ARID1B: variants seen among roughly 807,000 people sequenced by gnomAD.
The protein encoded by ARID1B is AT-rich interactive domain-containing protein 1B.
ARID1B carries 30 observed loss-of-function variants against 212.3 expected under a neutral mutation model. The observed-to-expected ratio is 0.14, with a 90% CI of 0.11 to 0.19. ARID1B has a LOEUF of 0.19. Among genes scored for constraint, ARID1B ranks in the 10% least tolerant of loss-of-function variants. The pLI, the probability that ARID1B is intolerant of heterozygous loss-of-function variation, is 1.00. For missense variants in ARID1B, 2,891 were observed against 3,204.0 expected (o/e 0.90, Z 2.36); for synonymous variants, 1,402 against 1,301.7 (o/e 1.08, Z -1.66).
In ARID1B at chr6:157,207,610, G is replaced by A. The variant is rs1161111557; in HGVS notation, c.6838G>A (p.Gly2280Arg). The change falls in exon 20 of 20, where the codon GGA (glycine) becomes AGA (arginine). Residue 2280 changes from glycine (G) to arginine (R), a missense_variant. This residue lies in a region of ARID1B where 187 missense variants were observed against 306.5 expected (regional missense o/e 0.61). Transcript: ENST00000636930. This position sits in a 1 kb window ranked among gnomAD's most constrained non-coding sequence, Gnocchi z 8.5. Reference sequence around the variant, plus strand: ...CATAGCTGTGCAGAAAGGAAGCATTGGAAACTTGATAAGCTTCCTAGAGGA... The same window carrying A: ...CATAGCTGTGCAGAAAGGAAGCATTAGAAACTTGATAAGCTTCCTAGAGGA... ...RAIAVQKGSI[G>R]NLISFLEDGV... 6.2e-7 allele frequency: 1 copy of A among 1,614,118 alleles called. No homozygotes were observed.
At chr6:156,896,322 A>T (rs1393708550) in intron 2 of ARID1B, among the ~76,000 whole-genome samples, 2 of 152,178 alleles carry the variant, frequency 1.3e-5, no homozygotes, top group Admixed American at 6.5e-5. Flanking sequence ...CATGCCTCTA[A>T]TCCCACCAGT....
At chr6:157,117,161 C>A (rs1441445010) in intron 6 of ARID1B, among the ~76,000 whole-genome samples, 1 of 152,138 alleles carries the variant, frequency 6.6e-6, no homozygotes, top group Non-Finnish European at 1.5e-5. Flanking sequence ...GGGGCATGAT[C>A]AGGCATTTCA....
chr6:156,778,298 G>A lies in ARID1B; in HGVS notation c.618G>A (p.Gln206=), dbSNP rs771649817. Residue 206 remains glutamine, a synonymous_variant, in exon 1 of 20, where the codon CAG becomes CAA. Coordinates refer to ENST00000636930, the MANE Select transcript of ARID1B (RefSeq NM_001374828.1). ...FQQQQQQQQQ[Q]QQQQQQQQHP... ...AGCAGCAGCAGCAGCAGCAACAGCAGCAGCAGCAGCAGCAGCAACAGCAAC... is the reference window on the plus strand; with the variant it reads ...AGCAGCAGCAGCAGCAGCAACAGCAACAGCAGCAGCAGCAGCAACAGCAAC... 28 of 1,537,200 alleles carry A rather than the reference G, an allele frequency of 1.8e-5. No homozygotes were observed. Among genetic ancestry groups the A allele is most frequent in the Non-Finnish European group, 2.3e-5 (26 of 1,144,936 alleles).
intron 5 of ARID1B, among the ~76,000 whole-genome samples, chr6:157,090,627 A>C (rs1785216384): frequency 1.3e-5 from 2 of 152,254 alleles, no homozygotes; most frequent in Admixed American, 6.5e-5. Context: ...GACAGAAACA[A>C]AATAGAGTTG....
At position 157,208,027 on chromosome 6, in the gene ARID1B, A is replaced by C; in HGVS notation, c.*136A>C. The C allele has an allele frequency of 4.4e-6, 4 of 899,804 alleles. No homozygotes were observed. The highest frequency in any genetic ancestry group is 6.1e-6 in the Non-Finnish European group (4 of 653,398). The allele number at this position is 899,804 out of a possible 1,614,324, so 55.7% of individuals were successfully genotyped here. The stretch of plus-strand genomic sequence containing the variant: ...TCCTCTGCCCCATTCACTATTTACC[A>C]ATTGGGAATTAAAGAAATAATTAAT... On this transcript the variant is annotated 3_prime_UTR_variant, in exon 20 of 20. Coordinates refer to ENST00000636930, the MANE Select transcript of ARID1B (RefSeq NM_001374828.1).
At chr6:156,920,848 G>GTTCTT (rs749706678) in intron 3 of ARID1B, among the ~76,000 whole-genome samples, 1 of 150,890 alleles carries the variant, frequency 6.6e-6, no homozygotes, top group African/African-American at 2.4e-5. Context: ...TCTTTTTCTT[G>GTTCTT]TTCTTTTCTT....
chr6:157,114,523 CAAAAAAA>C (rs111845551), intron 6 of ARID1B, among the ~76,000 whole-genome samples: 1,364 of 50,306 alleles, frequency 0.027, 22 homozygotes, highest in African/African-American at 0.086. Flanking sequence ...CACTCCGTCT[CAAAAAAA>C]AAAAAAAAAA....
chr6:157,007,666 A>G (rs937035440), intron 4 of ARID1B, among the ~76,000 whole-genome samples: 9 of 152,110 alleles, frequency 5.9e-5, no homozygotes, highest in African/African-American at 2.2e-4. Flanking sequence ...TTTGTGGAAC[A>G]TCAGTGTTTT....
At chr6:156,897,252 C>CTTATTATTATTATTATTA (rs1351964431) in intron 2 of ARID1B, among the ~76,000 whole-genome samples, 34 of 96,822 alleles carry the variant, frequency 3.5e-4, no homozygotes, top group Non-Finnish European at 4.7e-4. Context: ...TCTTCTTCTT[C>CTTATTATTATTATTATTA]TTCTTCTTCT....
chr6:157,191,696 C>T lies in ARID1B; in HGVS notation c.4231+1486C>T, dbSNP rs142153928. Reference sequence around the variant, plus strand: ...CCACAAGTGGAGACTTGATATTTTGCTCTTGCGCATTCTTCCAAGTGCATT... The same window carrying T: ...CCACAAGTGGAGACTTGATATTTTGTTCTTGCGCATTCTTCCAAGTGCATT... On this transcript the variant is annotated intron_variant, in intron 15 of 19. Transcript: ENST00000636930. Among the ~76,000 whole-genome samples, 567 of 152,276 alleles carry T rather than the reference C, an allele frequency of 3.7e-3. 3 individuals carry two copies. Among genetic ancestry groups the T allele is most frequent in the African/African-American group, 0.013 (527 of 41,562 alleles).
chr6:156,836,766 G>A lies in ARID1B; in HGVS notation c.1986+7345G>A, dbSNP rs143123556. Among the ~76,000 whole-genome samples, 681 of 152,294 alleles carry A rather than the reference G, an allele frequency of 4.5e-3. 2 individuals carry two copies. Among genetic ancestry groups the A allele is most frequent in the Admixed American group, 7.1e-3 (108 of 15,298 alleles). On this transcript the variant is annotated intron_variant, in intron 2 of 19. Coordinates refer to ENST00000636930, the MANE Select transcript of ARID1B (RefSeq NM_001374828.1). ...TGCAGCCTTGACCTCCTGGGCTCAG[G>A]TGATTCTCTCACCTCAGCCTCCTGA...
chr6:157,167,375 GTAAATTATTTT>G (rs1219494388), intron 9 of ARID1B, 190 bp downstream of exon 9: 10 of 550,938 alleles, frequency 1.8e-5, no homozygotes, highest in African/African-American at 1.6e-4. Flanking sequence ...TATATTTTAT[GTAAATTATTTT>G]TATTCAATCT....
Position 156,778,271 on chromosome 6 carries a change from G to A in ARID1B, c.591G>A (p.Gln197=), listed in dbSNP as rs1188546090. The stretch of plus-strand genomic sequence containing the variant: ...TACAGCAGCAGCTAAACCAGTTCCA[G>A]CAGCAGCAGCAGCAGCAGCAACAGC... ...HALQQQLNQF[Q]QQQQQQQQQQ... The change falls in exon 1 of 20, where the codon CAG becomes CAA. Residue 197 remains glutamine (Q), a synonymous_variant. Coordinates refer to ENST00000636930, the MANE Select transcript of ARID1B (RefSeq NM_001374828.1). The A allele has an allele frequency of 3.4e-6, 5 of 1,478,116 alleles. No homozygotes were observed. Among genetic ancestry groups the A allele is most frequent in the South Asian group, 2.5e-5 (2 of 79,610 alleles). The allele number at this position is 1,478,116 out of a possible 1,614,324, so 91.6% of individuals were successfully genotyped here. A position where few individuals can be genotyped will look rare whatever the true frequency, so the allele number is the denominator to read the frequency against.
chr6:156,849,578 G>T (rs1784447443), intron 2 of ARID1B, among the ~76,000 whole-genome samples: 1 of 152,206 alleles, frequency 6.6e-6, no homozygotes, highest in Admixed American at 6.5e-5. Context: ...ACACCTCTTT[G>T]TGTAAATCGT....
chr6:157,205,389 C>A (rs1562350242), intron 19 of ARID1B: 1 of 152,148 alleles, frequency 6.6e-6, no homozygotes, highest in Non-Finnish European at 1.5e-5. Flanking sequence ...GGAGAGAGGG[C>A]AGTTGCTAAT....
rs1024297552 is a variant in ARID1B, at chr6:156,973,989, G to A, written c.2247+38413G>A. ...TACAACATTTTGCTAGGCTAATTTA[G>A]GTGTGATTTCCCAAAGGGCATCTGA... On this transcript the variant is annotated intron_variant, in intron 4 of 19. Transcript: ENST00000636930. Among the ~76,000 whole-genome samples, 3 of 152,148 alleles carry A rather than the reference G, an allele frequency of 2.0e-5. No individual in the cohort carries two copies. The South Asian group carries it at 6.2e-4, about 31-fold the overall frequency.
chr6:157,113,336 T>C (rs1008053243), intron 6 of ARID1B, among the ~76,000 whole-genome samples: 3 of 152,246 alleles, frequency 2.0e-5, no homozygotes, highest in Non-Finnish European at 4.4e-5. Flanking sequence ...CATTATTATA[T>C]TGTTATAGTT....
At chr6:157,177,633 TA>T (rs1393349978) in intron 11 of ARID1B, among the ~76,000 whole-genome samples, 1 of 152,260 alleles carries the variant, frequency 6.6e-6, no homozygotes, top group Non-Finnish European at 1.5e-5. Context: ...TGCTGAAATG[TA>T]AATCTGCCTA....
At chr6:157,045,984 C>T (rs1782210855) in intron 4 of ARID1B, among the ~76,000 whole-genome samples, 1 of 152,172 alleles carries the variant, frequency 6.6e-6, no homozygotes, top group South Asian at 2.1e-4. Context: ...ATCCAGGAAT[C>T]CATATTGAGC....
Sources: gnomAD v4.1 joint callset for allele counts (sites outside exome capture counted in the v4.1 genomes callset) on GRCh38, gnomAD v4.1.1 for gene constraint, gnomAD v4.1.1 regional missense constraint, Gnocchi (gnomAD v3.1) non-coding constraint, MANE v1.5 for transcripts, NCBI Gene and HGNC (gene_info 2026-07-23, HGNC 2026-07-21) for gene names.